The following FBXL16 variants were observed in gnomAD, a reference collection of about 807,000 sequenced individuals.
FBXL16 encodes the protein F-box and leucine rich repeat protein 16, also known as F-box/LRR-repeat protein 16.
FBXL16 carries 7 observed loss-of-function variants against 36.7 expected under a neutral mutation model. That is an observed-to-expected ratio of 0.19 (90% CI 0.11 to 0.36). FBXL16 has a LOEUF of 0.36. FBXL16 is among the 10% of genes least tolerant of loss of function. The probability of loss-of-function intolerance (pLI) is 1.00; values close to 1 mark genes in which losing one functional copy is unlikely to be tolerated. For missense variants in FBXL16, 463 were observed against 659.4 expected (o/e 0.70, Z 3.26); for synonymous variants, 355 against 308.7 (o/e 1.15, Z -1.57).
chr16:696,097 G>T, intron 2 of FBXL16, 174 bp from the exon 3 acceptor site: 1 of 934,046 alleles, frequency 1.1e-6, no homozygotes, highest in Non-Finnish European at 1.5e-6. Flanking sequence ...GGTGCTGGGG[G>T]CGTTGGCACC....
At position 693,042 on chromosome 16, in the gene FBXL16, GGGTCCCAGCCCC is replaced by G. The variant is rs2039982677; in HGVS notation, c.*1221_*1232del. 1 of 152,184 alleles carries G rather than the reference GGGTCCCAGCCCC, an allele frequency of 6.6e-6. No individual in the cohort carries two copies. The highest frequency in any genetic ancestry group is 2.4e-5 in the African/African-American group (1 of 41,434). 9.4% of individuals were successfully genotyped at this position (152,184 alleles called of 1,614,324 possible). On this transcript the variant is annotated 3_prime_UTR_variant, in exon 6 of 6. Coordinates refer to ENST00000397621, the MANE Select transcript of FBXL16 (RefSeq NM_153350.4). The stretch of plus-strand genomic sequence containing the variant: ...TGGGGCTCAAGGTTGGGATGGGAAG[GGGTCCCAGCCCC>G]CTCCTCAGCAACAGCTGAGATTTGC...
intron 2 of FBXL16, among the ~76,000 whole-genome samples, chr16:696,246 T>C (rs9940762): frequency 0.014 from 2,081 of 150,522 alleles, 52 homozygotes; most frequent in African/African-American, 0.047. Flanking sequence ...TTTATTTATT[T>C]ATTCATTCAT....
Position 695,183 on chromosome 16 carries a change from A to G in FBXL16, c.1143-107T>C, listed in dbSNP as rs772765114. On this transcript the variant is annotated intron_variant, in intron 3 of 5. Coordinates refer to ENST00000397621, the MANE Select transcript of FBXL16 (RefSeq NM_153350.4). ...GTGAATCCCTTCCTGCCCCACCCGG[A>G]GCAGCCGCTGGCCCCTCCTCGCTCC... 7 of 1,269,366 alleles carry G rather than the reference A, an allele frequency of 5.5e-6. No homozygotes were observed. In the South Asian group the frequency reaches 8.4e-5, roughly 15 times the overall value. 78.6% of individuals were successfully genotyped at this position (1,269,366 alleles called of 1,614,324 possible). A position where few individuals can be genotyped will look rare whatever the true frequency, so the allele number is the denominator to read the frequency against.
At chr16:700,941 G>T (rs1294598462) in intron 1 of FBXL16, among the ~76,000 whole-genome samples, 2 of 152,238 alleles carry the variant, frequency 1.3e-5, no homozygotes, top group African/African-American at 4.8e-5. Flanking sequence ...AAGAGTGGGG[G>T]AGAAGCCGGG....
At chr16:699,661 T>A (rs2040041398) in intron 1 of FBXL16, among the ~76,000 whole-genome samples, 4 of 152,126 alleles carry the variant, frequency 2.6e-5, no homozygotes, top group Non-Finnish European at 5.9e-5. Flanking sequence ...CAAAGCAAGA[T>A]GCATCTTCCC....
Position 696,753 on chromosome 16 carries a change from C to A in FBXL16, c.633+20G>T. ...CCGCCCCTGCCCCCCAGCCCTGTCC[C>A]CCCCGAGCCTGGTGCACACCTCGAG... On this transcript the variant is annotated intron_variant, in intron 2 of 5. Coordinates refer to ENST00000397621, the MANE Select transcript of FBXL16 (RefSeq NM_153350.4). 1.5e-6 allele frequency: 2 copies of A among 1,324,782 alleles called. No individual in the cohort carries two copies. Among genetic ancestry groups the A allele is most frequent in the South Asian group, 1.4e-5 (1 of 71,186 alleles). The allele number at this position is 1,324,782 out of a possible 1,614,324, so 82.1% of individuals were successfully genotyped here.
In FBXL16 at chr16:695,459, G is replaced by A; in HGVS notation, c.1098C>T (p.Tyr366=). ...CPRITDMALE[Y]VACDLHRLEE... ...CTAGGCGGTGCAGGTCGCAGGCCAC[G>A]TACTCCAGCGCCATGTCGGTGATGC... The change falls in exon 3 of 6, where the codon TAC becomes TAT. Residue 366 remains tyrosine, a synonymous_variant. Transcript: ENST00000397621. The A allele has an allele frequency of 1.9e-6, 3 of 1,566,080 alleles. No individual in the cohort carries two copies. The highest frequency in any genetic ancestry group is 1.2e-5 in the South Asian group (1 of 86,916).
chr16:703,361 GCCC>G (rs1471034597), intron 1 of FBXL16, among the ~76,000 whole-genome samples: 5 of 152,102 alleles, frequency 3.3e-5, no homozygotes, highest in Non-Finnish European at 7.3e-5. Context: ...CATCTCTGGT[GCCC>G]CCATCTCTGT....
At position 695,498 on chromosome 16, in the gene FBXL16, G is replaced by A; in HGVS notation, c.1059C>T (p.Leu353=). 1.3e-6 allele frequency: 2 copies of A among 1,593,286 alleles called. No individual in the cohort carries two copies. Among genetic ancestry groups the A allele is most frequent in the African/African-American group, 1.3e-5 (1 of 74,906 alleles). The change falls in exon 3 of 6, where the codon CTC becomes CTT. Residue 353 remains leucine (L), a synonymous_variant. Transcript: ENST00000397621. ...ENLRKLRSLD[L]SWCPRITDMA... ...TGTCGGTGATGCGTGGGCACCACGA[G>A]AGGTCAAGGCTGCGCAGCTTGCGCA...
chr16:704,883 C>A (rs1023091303), intron 1 of FBXL16, among the ~76,000 whole-genome samples: 1 of 152,204 alleles, frequency 6.6e-6, no homozygotes, highest in Admixed American at 6.5e-5. Flanking sequence ...GGGTGGGGAA[C>A]GCTCTCCACC....
intron 2 of FBXL16, 78 bp downstream of exon 2, chr16:696,695 C>A: frequency 7.3e-7 from 1 of 1,364,052 alleles, no homozygotes; most frequent in Non-Finnish European, 9.4e-7. Flanking sequence ...CCAAAGCCAC[C>A]ATCCGCTCCC....
chr16:702,005 GA>G (rs2040060853), intron 1 of FBXL16, among the ~76,000 whole-genome samples: 1 of 152,192 alleles, frequency 6.6e-6, no homozygotes, highest in Non-Finnish European at 1.5e-5. Context: ...CTCCCCAGGG[GA>G]CGCAGTGTGA....
Position 695,861 on chromosome 16 carries a change from G to A in FBXL16, c.696C>T (p.Thr232=), listed in dbSNP as rs373260304. 4 of 1,603,186 alleles carry A rather than the reference G, an allele frequency of 2.5e-6. No individual in the cohort carries two copies. The highest frequency in any genetic ancestry group is 1.1e-5 in the South Asian group (1 of 90,868). The change falls in exon 3 of 6, where the codon ACC becomes ACT. Residue 232 remains threonine (T), a synonymous_variant. Transcript: ENST00000397621. The part of the protein sequence containing the change: ...RLELSGCNDF[T]EAGLWSSLSA... ...TCAGGCTGGACCACAGCCCGGCCTC[G>A]GTGAAGTCGTTGCAGCCCGACAGCT... is the stretch of plus-strand genomic sequence containing the variant.
At chr16:694,834 TGC>T in intron 4 of FBXL16, 137 bp from the exon 5 acceptor site, 2 of 1,273,478 alleles carry the variant, frequency 1.6e-6, no homozygotes, top group Non-Finnish European at 2.2e-6. Flanking sequence ...GGCTGGGAAG[TGC>T]TCGTGGGGGC....
At chr16:698,148 C>T (rs966082086) in intron 1 of FBXL16, among the ~76,000 whole-genome samples, 4 of 151,916 alleles carry the variant, frequency 2.6e-5, no homozygotes, top group Non-Finnish European at 4.4e-5. Context: ...GGAATTCGGG[C>T]GCCCACCACC....
chr16:694,514 A>T (rs1052733819), intron 5 of FBXL16, 91 bp from the exon 6 acceptor site: 1 of 1,509,808 alleles, frequency 6.6e-7, no homozygotes, highest in African/African-American at 1.4e-5. Context: ...TCCGCCTCGG[A>T]CCCGGGACTG....
At chr16:700,964 G>A (rs901554372) in intron 1 of FBXL16, among the ~76,000 whole-genome samples, 8 of 152,244 alleles carry the variant, frequency 5.3e-5, no homozygotes, top group African/African-American at 1.9e-4. Flanking sequence ...GGATCCGGAG[G>A]AGGCGGCGGG....
At position 694,220 on chromosome 16, in the gene FBXL16, C is replaced by T. The variant is rs185623566; in HGVS notation, c.*55G>A. The T allele has an allele frequency of 0.036, 43,880 of 1,218,180 alleles. 894 individuals carry two copies. The highest frequency in any genetic ancestry group is 0.047 in the South Asian group (1,194 of 25,582). 75.5% of individuals were successfully genotyped at this position (1,218,180 alleles called of 1,614,324 possible). On this transcript the variant is annotated 3_prime_UTR_variant, in exon 6 of 6. Coordinates refer to ENST00000397621, the MANE Select transcript of FBXL16 (RefSeq NM_153350.4). The stretch of plus-strand genomic sequence containing the variant: ...GGGAAGAGGGGGCTCGGCGGCGCCC[C>T]GCGCCCCCGCCCAGGTCATGGCCGG...
chr16:697,115 C>T lies in FBXL16; in HGVS notation c.291G>A (p.Thr97=), dbSNP rs544915068. 7.2e-5 allele frequency: 116 copies of T among 1,607,174 alleles called. 3 individuals carry two copies. In the South Asian group the frequency reaches 7.5e-4, roughly 10 times the overall value. The change falls in exon 2 of 6, where the codon ACG becomes ACA. Residue 97 remains threonine, a synonymous_variant. Coordinates refer to ENST00000397621, the MANE Select transcript of FBXL16 (RefSeq NM_153350.4). The surrounding 1 kb of genome is among the most constrained non-coding windows in gnomAD (Gnocchi z 4.6). ...GHPAERPPLA[T]DEKILNGLFW... ...AGAGCCCATTGAGGATCTTCTCGTC[C>T]GTGGCCAGCGGCGGCCGCTCCGCTG... is the stretch of plus-strand genomic sequence containing the variant.
Sources: gnomAD v4.1 joint callset for allele counts (sites outside exome capture counted in the v4.1 genomes callset) on GRCh38, gnomAD v4.1.1 for gene constraint, Gnocchi (gnomAD v3.1) non-coding constraint, MANE v1.5 for transcripts, NCBI Gene and HGNC (gene_info 2026-07-23, HGNC 2026-07-21) for gene names.